Variants in MARCHF1 observed in about 807,000 individuals in gnomAD.
MARCHF1 encodes the protein membrane associated ring-CH-type finger 1, also known as E3 ubiquitin-protein ligase MARCHF1.
In MARCHF1, 40 loss-of-function variants were observed where a neutral mutation model predicts 54.2. The observed-to-expected ratio is 0.74, with a 90% CI of 0.57 to 0.96. MARCHF1 has a LOEUF of 0.96. MARCHF1 is among the 40% of genes least tolerant of loss of function. The probability of loss-of-function intolerance (pLI) is 0.00; values close to 1 mark genes in which losing one functional copy is unlikely to be tolerated. For synonymous variants in MARCHF1, 236 were observed against 236.3 expected (o/e 1.00, Z 0.01); for missense variants, 586 against 656.5 (o/e 0.89, Z 1.17).
chr4:163,794,793 T>C (rs1747866244), intron 4 of MARCHF1, among the ~76,000 whole-genome samples: 1 of 152,198 alleles, frequency 6.6e-6, no homozygotes, highest in Admixed American at 6.5e-5. Flanking sequence ...AAACTTATAC[T>C]ATGTGAGCTT....
chr4:164,361,594 C>T (rs1156735853), intron 1 of MARCHF1, among the ~76,000 whole-genome samples: 1 of 152,096 alleles, frequency 6.6e-6, no homozygotes, highest in Non-Finnish European at 1.5e-5. Context: ...CAACTCTGAG[C>T]TTCGCCTGTC....
At chr4:164,107,829 G>C (rs1428874701) in intron 2 of MARCHF1, among the ~76,000 whole-genome samples, 1 of 151,504 alleles carries the variant, frequency 6.6e-6, no homozygotes, top group Non-Finnish European at 1.5e-5. Context: ...AAAAAAAAGA[G>C]AATAGGTTTG....
At chr4:163,551,265 G>T (rs1302841721) in intron 8 of MARCHF1, among the ~76,000 whole-genome samples, 3 of 152,088 alleles carry the variant, frequency 2.0e-5, no homozygotes, top group African/African-American at 7.2e-5. Flanking sequence ...TAGTGTTTAG[G>T]TAACATAAAA....
intron 1 of MARCHF1, among the ~76,000 whole-genome samples, chr4:164,112,627 G>T (rs1223524543): frequency 6.6e-6 from 1 of 151,872 alleles, no homozygotes; most frequent in Non-Finnish European, 1.5e-5. Context: ...TATATAAAAT[G>T]AGTTTGCTTA....
rs552164603 is a variant in MARCHF1 at position 163,578,796 on chromosome 4, C to T, written c.1191+6953G>A. Among the ~76,000 whole-genome samples the T allele has an allele frequency of 2.0e-5, 3 of 152,240 alleles. No individual in the cohort carries two copies. The South Asian group carries it at 6.2e-4, about 32-fold the overall frequency. ...CCATCCTTCTGCAGTAGACTATATG[C>T]TCCCCAAGGGTAGGGTTTTATTCTA... On this transcript the variant is annotated intron_variant, in intron 8 of 9. Transcript: ENST00000514618.
intron 3 of MARCHF1, among the ~76,000 whole-genome samples, chr4:163,985,761 T>C (rs1033121315): frequency 3.3e-5 from 5 of 152,212 alleles, no homozygotes; most frequent in Admixed American, 2.6e-4. Flanking sequence ...AAATTCTTAA[T>C]TCTGAAATTA....
chr4:164,173,511 C>T (rs1014937829), intron 1 of MARCHF1, among the ~76,000 whole-genome samples: 1 of 152,122 alleles, frequency 6.6e-6, no homozygotes, highest in African/African-American at 2.4e-5. Context: ...CTCCAAATCC[C>T]ATGTTGAAAT....
chr4:164,145,235 C>A (rs187456362), intron 1 of MARCHF1, among the ~76,000 whole-genome samples: 3 of 152,130 alleles, frequency 2.0e-5, no homozygotes, highest in African/African-American at 7.2e-5. Context: ...CCGAATTTTA[C>A]CAGAGGTAAA....
rs189686811 is a variant in MARCHF1, at chr4:164,210,753, G to A, written c.-322-99091C>T. On this transcript the variant is annotated intron_variant, in intron 1 of 9. Transcript: ENST00000514618. ...AAGGCAGGAGGAATCTGACTCCCAT[G>A]TTCATTTCTACATTATTGACAATAG... 2.0e-4 allele frequency among the ~76,000 whole-genome samples: 30 copies of A among 152,200 alleles called. 1 individual carries two copies. The East Asian group carries it at 5.8e-3, about 29-fold the overall frequency.
At chr4:164,241,370 T>C (rs971308773) in intron 1 of MARCHF1, among the ~76,000 whole-genome samples, 3 of 152,178 alleles carry the variant, frequency 2.0e-5, no homozygotes, top group Non-Finnish European at 2.9e-5. Context: ...TGCAACATCA[T>C]TGCTGTTGTG....
At chr4:163,636,124 C>A (rs1304705609) in intron 5 of MARCHF1, among the ~76,000 whole-genome samples, 6 of 152,086 alleles carry the variant, frequency 3.9e-5, no homozygotes, top group African/African-American at 1.4e-4. Flanking sequence ...TATGACAAAC[C>A]CACAGCCAAT....
At chr4:164,062,101 T>G (rs534174804) in intron 2 of MARCHF1, among the ~76,000 whole-genome samples, 1 of 152,346 alleles carries the variant, frequency 6.6e-6, no homozygotes, top group Admixed American at 6.5e-5. Flanking sequence ...TTTATTGTTG[T>G]TTCAACAAGG....
chr4:163,859,974 T>C (rs1490760332), intron 3 of MARCHF1, among the ~76,000 whole-genome samples: 1 of 152,142 alleles, frequency 6.6e-6, no homozygotes, highest in Non-Finnish European at 1.5e-5. Context: ...GACATAAAAA[T>C]GAAATGTAGA....
chr4:164,195,949 G>T (rs1731244032), intron 1 of MARCHF1, among the ~76,000 whole-genome samples: 1 of 151,994 alleles, frequency 6.6e-6, no homozygotes, highest in Non-Finnish European at 1.5e-5. Flanking sequence ...CCAATTCTAT[G>T]CTAAAAACAA....
chr4:164,273,972 T>C (rs1173979688), intron 1 of MARCHF1, among the ~76,000 whole-genome samples: 1 of 152,234 alleles, frequency 6.6e-6, no homozygotes, highest in South Asian at 2.1e-4. Flanking sequence ...GAGAAATTAA[T>C]ATGCAGTTCA....
In MARCHF1 at chr4:164,354,231, G is replaced by T. The variant is rs185764371; in HGVS notation, c.-323+29639C>A. On this transcript the variant is annotated intron_variant, in intron 1 of 9. Coordinates refer to ENST00000514618, the MANE Select transcript of MARCHF1 (RefSeq NM_001394959.1). ...CGTTCTGAAACTATTCCAATCAATA[G>T]AAAGAGAGGGAACCCTCCCTAACTC... is the stretch of plus-strand genomic sequence containing the variant. Among the ~76,000 whole-genome samples, 291 of 125,438 alleles carry T rather than the reference G, an allele frequency of 2.3e-3. 41 individuals are homozygous for T. Among genetic ancestry groups the T allele is most frequent in the Admixed American group, 3.8e-3 (49 of 12,762 alleles). The allele number at this position is 125,438 out of a possible 152,430, so 82.3% of individuals were successfully genotyped here.
intron 1 of MARCHF1, among the ~76,000 whole-genome samples, chr4:164,335,358 G>A (rs564410531): frequency 6.6e-5 from 10 of 152,234 alleles, no homozygotes; most frequent in African/African-American, 1.4e-4. Context: ...TGAGGTGGGC[G>A]GATCATGAGG....
chr4:163,633,255 T>C (rs1173964415), intron 5 of MARCHF1, among the ~76,000 whole-genome samples: 2 of 152,222 alleles, frequency 1.3e-5, no homozygotes, highest in Non-Finnish European at 2.9e-5. Context: ...AGAATGACTT[T>C]GACGAGCTGA....
At chr4:164,186,818 G>A (rs80122265) in intron 1 of MARCHF1, among the ~76,000 whole-genome samples, 1,630 of 152,248 alleles carry the variant, frequency 0.011, 27 homozygotes, top group East Asian at 0.063. Flanking sequence ...TCTTAAGTAC[G>A]CTACCTGTGG....
Sources: allele counts gnomAD v4.1 joint callset (sites outside exome capture counted in the v4.1 genomes callset), GRCh38; gene constraint gnomAD v4.1.1; transcripts MANE v1.5; gene names NCBI Gene and HGNC (gene_info 2026-07-23, HGNC 2026-07-21).